The following MCCC2 variants were observed in gnomAD, a reference collection of about 807,000 sequenced individuals.
MCCC2 encodes the protein methylcrotonoyl-CoA carboxylase beta chain, mitochondrial.
A neutral mutation model predicts 77.2 loss-of-function variants in MCCC2; 52 were observed. The ratio of observed to expected loss-of-function variants is 0.67; its 90% CI spans 0.54 to 0.85. The LOEUF (loss-of-function observed/expected upper bound fraction) is 0.85. MCCC2 is among the 40% of genes least tolerant of loss of function. The pLI is 0.00. For synonymous variants in MCCC2, 253 were observed against 248.4 expected (o/e 1.02, Z -0.18); for missense variants, 682 against 703.2 (o/e 0.97, Z 0.34).
chr5:71,643,631 A>G (rs1049264832), intron 11 of MCCC2, 188 bp from the exon 12 acceptor site: 3 of 1,093,134 alleles, frequency 2.7e-6, no homozygotes, highest in Non-Finnish European at 3.9e-6. Context: ...TAGAAGCAAA[A>G]GAAACCAGAG....
chr5:71,641,154 T>C, intron 11 of MCCC2, 79 bp downstream of exon 11: 2 of 1,278,172 alleles, frequency 1.6e-6, no homozygotes, highest in Admixed American at 1.7e-5. Context: ...AAGACTTTGA[T>C]ACACTTGACA....
rs1275219211 is a variant in MCCC2 at position 71,604,381 on chromosome 5, T to A, written c.537T>A (p.Pro179=). 2 of 1,614,030 alleles carry A rather than the reference T, an allele frequency of 1.2e-6. No homozygotes were observed. The highest frequency in any genetic ancestry group is 1.7e-6 in the Non-Finnish European group (2 of 1,180,024). Residue 179 remains proline (P), a synonymous_variant, in exon 6 of 17, where the codon CCT becomes CCA. Coordinates refer to ENST00000340941, the MANE Select transcript of MCCC2 (RefSeq NM_022132.5). ...YLVDSGGAYL[P]RQADVFPDRD... Reference sequence around the variant, plus strand: ...TTGATTCGGGAGGAGCATACTTACCTCGACAAGCAGATGTGTTTCCAGATC... The same window carrying A: ...TTGATTCGGGAGGAGCATACTTACCACGACAAGCAGATGTGTTTCCAGATC...
rs142098477 is a variant in MCCC2, at chr5:71,602,848, C to T, written c.511+215C>T. 5.2e-3 allele frequency: 3,174 copies of T among 614,454 alleles called. 63 individuals are homozygous for T. The highest frequency in any genetic ancestry group is 0.033 in the South Asian group (1,405 of 42,880). The allele number at this position is 614,454 out of a possible 1,614,324, so 38.1% of individuals were successfully genotyped here. ...AGTGCATAATACTCATACATTTTGA[C>T]GCATGCCAGTTTTTTTCTCTATGTG... On this transcript the variant is annotated intron_variant, in intron 5 of 16. Coordinates refer to ENST00000340941, the MANE Select transcript of MCCC2 (RefSeq NM_022132.5).
chr5:71,590,060 T>C (rs1284466979), intron 1 of MCCC2, among the ~76,000 whole-genome samples: 1 of 152,174 alleles, frequency 6.6e-6, no homozygotes, highest in Admixed American at 6.5e-5. Context: ...GTTGCTCAGC[T>C]TCACAAGAAA....
chr5:71,601,733 T>C lies in MCCC2; in HGVS notation c.384-773T>C, dbSNP rs78516039. 6.3e-3 allele frequency among the ~76,000 whole-genome samples: 960 copies of C among 152,218 alleles called. 13 individuals carry two copies. Among genetic ancestry groups the C allele is most frequent in the African/African-American group, 0.022 (913 of 41,532 alleles). ...CAAACATCAGAAACATAAAGAAAAT[T>C]GAATTTTGTAAAGAGCACACTGTTG... On this transcript the variant is annotated intron_variant, in intron 4 of 16. Transcript: ENST00000340941.
In MCCC2 at chr5:71,602,536, C is replaced by A; in HGVS notation, c.414C>A (p.Ala138=). The part of the protein sequence containing the change: ...GVECMIIAND[A]TVKGGAYYPV... ...AATGCATGATTATTGCCAATGATGC[C>A]ACCGTCAAAGGAGGTGCCTACTACC... is the stretch of plus-strand genomic sequence containing the variant. The change falls in exon 5 of 17, where the codon GCC becomes GCA. Residue 138 remains alanine (A), a synonymous_variant. Transcript: ENST00000340941. The A allele has an allele frequency of 6.2e-7, 1 of 1,614,016 alleles. No individual in the cohort carries two copies. The highest frequency in any genetic ancestry group is 8.5e-7 in the Non-Finnish European group (1 of 1,180,010).
At chr5:71,587,641 C>G in intron 1 of MCCC2, 87 bp downstream of exon 1, 2 of 1,474,128 alleles carry the variant, frequency 1.4e-6, no homozygotes, top group Non-Finnish European at 1.8e-6. Context: ...CTGCTGCTCT[C>G]TTGTCCGGAG....
intron 3 of MCCC2, among the ~76,000 whole-genome samples, chr5:71,598,864 A>G (rs1384529196): frequency 6.8e-6 from 1 of 147,632 alleles, no homozygotes; most frequent in Non-Finnish European, 1.5e-5. Context: ...TGATTCTTCC[A>G]CCTCAGCCTC....
chr5:71,649,998 C>A, intron 14 of MCCC2, 71 bp from the exon 15 acceptor site: 1 of 1,198,268 alleles, frequency 8.3e-7, no homozygotes, highest in Non-Finnish European at 1.2e-6. Flanking sequence ...ATTTAAAAGG[C>A]AAACATGGGC....
chr5:71,641,640 A>C (rs937502469), intron 11 of MCCC2, among the ~76,000 whole-genome samples: 2 of 152,228 alleles, frequency 1.3e-5, no homozygotes, highest in African/African-American at 4.8e-5. Flanking sequence ...TAAACTGTTT[A>C]GTTTATAGGC....
chr5:71,596,464 G>T (rs746491109), intron 3 of MCCC2, 100 bp downstream of exon 3: 1 of 1,068,364 alleles, frequency 9.4e-7, no homozygotes, highest in Non-Finnish European at 1.4e-6. Flanking sequence ...AGTTCTCATC[G>T]TAAGATTCAG....
chr5:71,633,131 A>ATATATTTTTTT (rs1554137344), intron 8 of MCCC2, among the ~76,000 whole-genome samples: 1 of 78,086 alleles, frequency 1.3e-5, no homozygotes, highest in South Asian at 4.1e-4. Context: ...ATATATATAT[A>ATATATTTTTTT]TTTTTATTTT....
At chr5:71,644,033 A>C in intron 12 of MCCC2, 138 bp downstream of exon 12, 1 of 557,150 alleles carries the variant, frequency 1.8e-6, no homozygotes, top group African/African-American at 2.2e-5. Context: ...GTGCGCGGGC[A>C]TGTGTGTGTG....
chr5:71,634,130 T>C (rs143610233), intron 8 of MCCC2, among the ~76,000 whole-genome samples: 206 of 152,340 alleles, frequency 1.4e-3, no homozygotes, highest in African/African-American at 4.8e-3. Context: ...ATGAACAAAT[T>C]ATTTTTTTCA....
intron 4 of MCCC2, 70 bp from the exon 5 acceptor site, chr5:71,602,436 T>C: frequency 6.2e-7 from 1 of 1,600,312 alleles, no homozygotes; most frequent in Non-Finnish European, 8.6e-7. Flanking sequence ...TTGGGGTATC[T>C]TGTAATGAGT....
chr5:71,593,478 A>T (rs1013672876), intron 2 of MCCC2, among the ~76,000 whole-genome samples: 1 of 152,086 alleles, frequency 6.6e-6, no homozygotes, highest in African/African-American at 2.4e-5. Flanking sequence ...TTCTCTTCAT[A>T]GAGTACTACC....
intron 10 of MCCC2, 42 bp from the exon 11 acceptor site, chr5:71,640,961 T>C (rs745416943): frequency 6.5e-7 from 1 of 1,550,186 alleles, no homozygotes; most frequent in Non-Finnish European, 8.9e-7. Context: ...AAAATTCTTT[T>C]GCAATATAAT....
rs182572451 is a variant in MCCC2, at chr5:71,637,169, T to C, written c.999+1923T>C. 2.7e-4 allele frequency among the ~76,000 whole-genome samples: 41 copies of C among 152,376 alleles called. No individual in the cohort carries two copies. The East Asian group carries it at 7.5e-3, about 28-fold the overall frequency. ...TTCCCCCCTTCTTCCTAAGAAATTT[T>C]CAAATATGCTGAGATGTTCAAAGAA... On this transcript the variant is annotated intron_variant, in intron 10 of 16. Transcript: ENST00000340941.
At chr5:71,643,788 G>A (rs1354954258) in intron 11 of MCCC2, 31 bp from the exon 12 acceptor site, 11 of 1,613,864 alleles carry the variant, frequency 6.8e-6, no homozygotes, top group South Asian at 1.1e-5. Flanking sequence ...AAAAGCACAA[G>A]ACATAAATCT....
Sources: allele counts gnomAD v4.1 joint callset (sites outside exome capture counted in the v4.1 genomes callset), GRCh38; gene constraint gnomAD v4.1.1; transcripts MANE v1.5; gene names NCBI Gene and HGNC (gene_info 2026-07-23, HGNC 2026-07-21).